The following HYCC1 variants were observed in gnomAD, a reference collection of about 807,000 sequenced individuals.
HYCC1 encodes the protein hyccin PI4KA lipid kinase complex subunit 1, also known as hyccin.
At chr7:22,923,612 T>A in the HYCC1 span, among the ~76,000 whole-genome samples, 12 of 152,046 alleles carry the variant, frequency 7.9e-5, no homozygotes, top group African/African-American at 2.9e-4. Flanking sequence ...AAAAGAAGTT[T>A]ATCTTTCAAA....
At chr7:22,960,325 T>C in the HYCC1 span, 8 of 1,613,630 alleles carry the variant, frequency 5.0e-6, no homozygotes, top group Middle Eastern at 1.7e-4. Flanking sequence ...CGAGAGGAAG[T>C]TGGTGTGATT....
the HYCC1 span, among the ~76,000 whole-genome samples, chr7:22,972,869 T>A: frequency 1.3e-5 from 2 of 152,342 alleles, no homozygotes; most frequent in African/African-American, 4.8e-5. Flanking sequence ...AATGAATTTG[T>A]GTGAGCATAG....
At chr7:22,968,384 C>T in the HYCC1 span, among the ~76,000 whole-genome samples, 1 of 152,110 alleles carries the variant, frequency 6.6e-6, no homozygotes, top group African/African-American at 2.4e-5. Context: ...AAGGGCAATA[C>T]CATAGGAAAT....
At chr7:22,976,201 T>G in the HYCC1 span, 2 of 1,559,902 alleles carry the variant, frequency 1.3e-6, no homozygotes, top group Non-Finnish European at 1.8e-6. Context: ...CACTTGAATT[T>G]TACTTTACCT....
At chr7:22,978,835 T>C in the HYCC1 span, among the ~76,000 whole-genome samples, 1 of 152,186 alleles carries the variant, frequency 6.6e-6, no homozygotes, top group African/African-American at 2.4e-5. Flanking sequence ...TAAATATTGC[T>C]GTAATTTTAT....
chr7:22,924,405 C>G, the HYCC1 span, among the ~76,000 whole-genome samples: 1 of 152,166 alleles, frequency 6.6e-6, no homozygotes, highest in African/African-American at 2.4e-5. Context: ...CCGGGAAACA[C>G]AAGGGGTCAG....
chr7:22,973,536 T>C, the HYCC1 span, among the ~76,000 whole-genome samples: 1 of 152,180 alleles, frequency 6.6e-6, no homozygotes, highest in Non-Finnish European at 1.5e-5. Flanking sequence ...AGAGTTAGCA[T>C]TATTTAGATA....
At chr7:22,945,380 G>GA in the HYCC1 span, 3 of 585,566 alleles carry the variant, frequency 5.1e-6, no homozygotes, top group Admixed American at 6.0e-5. Context: ...AAACCAAGGG[G>GA]AAAAAATCTT....
At chr7:22,968,717 G>A in the HYCC1 span, among the ~76,000 whole-genome samples, 4 of 152,078 alleles carry the variant, frequency 2.6e-5, no homozygotes, top group Non-Finnish European at 4.4e-5. Context: ...GGCCTGGCAC[G>A]GTGGCTCACA....
chr7:22,925,471 G>A, the HYCC1 span, among the ~76,000 whole-genome samples: 1 of 152,160 alleles, frequency 6.6e-6, no homozygotes, highest in African/African-American at 2.4e-5. Flanking sequence ...AATAACCAAT[G>A]CAGAGAAGTC....
chr7:22,983,298 C>T, the HYCC1 span, among the ~76,000 whole-genome samples: 2 of 148,720 alleles, frequency 1.3e-5, no homozygotes, highest in African/African-American at 2.5e-5. Context: ...CACTGCACTC[C>T]AGCCTGGGCA....
chr7:23,003,652 A>C, the HYCC1 span, among the ~76,000 whole-genome samples: 1 of 152,198 alleles, frequency 6.6e-6, no homozygotes, highest in Non-Finnish European at 1.5e-5. Context: ...GGACAAAGAA[A>C]GACAGAAATG....
chr7:23,002,150 A>ATATATATATACACACAAT, the HYCC1 span, among the ~76,000 whole-genome samples: 2 of 27,486 alleles, frequency 7.3e-5, no homozygotes, highest in African/African-American at 3.8e-4. Flanking sequence ...ATATATATAT[A>ATATATATATACACACAAT]TATATATATA....
At chr7:22,997,926 T>C in the HYCC1 span, among the ~76,000 whole-genome samples, 1 of 152,310 alleles carries the variant, frequency 6.6e-6, no homozygotes. Context: ...TAAGATCATG[T>C]TGGGATATCA....
chr7:22,904,870 CA>C, the HYCC1 span, among the ~76,000 whole-genome samples: 282 of 104,880 alleles, frequency 2.7e-3, no homozygotes, highest in Non-Finnish European at 2.9e-3. Context: ...GACTTTGTCT[CA>C]AAAAAAAAAA....
the HYCC1 span, chr7:22,960,249 T>C: frequency 6.2e-7 from 1 of 1,612,982 alleles, no homozygotes; most frequent in Admixed American, 1.7e-5. Context: ...AGTTACGTAT[T>C]TCTTACCATG....
chr7:22,957,747 A>G, the HYCC1 span, among the ~76,000 whole-genome samples: 2 of 151,882 alleles, frequency 1.3e-5, no homozygotes, highest in African/African-American at 2.4e-5. Flanking sequence ...TGGGAAACAC[A>G]TTTAGAGTTC....
At chr7:22,930,472 C>CA in the HYCC1 span, among the ~76,000 whole-genome samples, 1 of 146,876 alleles carries the variant, frequency 6.8e-6, no homozygotes, top group Non-Finnish European at 1.5e-5. Context: ...AACTAGTAAT[C>CA]AAAAAAAACT....
the HYCC1 span, among the ~76,000 whole-genome samples, chr7:22,987,451 G>A: frequency 2.6e-5 from 4 of 152,174 alleles, no homozygotes; most frequent in East Asian, 1.9e-4. Context: ...AGAAGGCTGA[G>A]GCATGAGAAT....
Sources: allele counts gnomAD v4.1 joint callset (sites outside exome capture counted in the v4.1 genomes callset), GRCh38; gene constraint gnomAD v4.1.1; transcripts MANE v1.5; gene names NCBI Gene and HGNC (gene_info 2026-07-23, HGNC 2026-07-21).